HIVEP3: variants seen among roughly 807,000 people sequenced by gnomAD.
HIVEP3 encodes HIVEP zinc finger 3, also known as transcription factor HIVEP3.
A neutral mutation model predicts 152.8 loss-of-function variants in HIVEP3; 49 were observed. That is an observed-to-expected ratio of 0.32 (90% CI 0.26 to 0.41). The LOEUF (loss-of-function observed/expected upper bound fraction) is 0.41, where lower values mean the gene tolerates loss of function less well. HIVEP3 is among the 10% of genes least tolerant of loss of function. HIVEP3 has a pLI of 1.00. For missense variants in HIVEP3, 2,790 were observed against 3,103.3 expected (o/e 0.90, Z 2.40); for synonymous variants, 1,269 against 1,289.0 (o/e 0.98, Z 0.33).
At chr1:41,650,407 G>C (rs1385752867) in intron 2 of HIVEP3, among the ~76,000 whole-genome samples, 2 of 152,206 alleles carry the variant, frequency 1.3e-5, no homozygotes, top group East Asian at 3.8e-4. Context: ...GAAGGAAGAA[G>C]AGGCTAGAAG....
At chr1:41,769,520 G>A (rs548495768) in intron 1 of HIVEP3, among the ~76,000 whole-genome samples, 2 of 152,258 alleles carry the variant, frequency 1.3e-5, no homozygotes, top group South Asian at 4.1e-4. Flanking sequence ...CTGATTCTAA[G>A]GCTAGGGCTC....
intron 1 of HIVEP3, among the ~76,000 whole-genome samples, chr1:41,747,389 G>T (rs1388962292): frequency 6.6e-6 from 1 of 152,216 alleles, no homozygotes; most frequent in Admixed American, 6.5e-5. Context: ...CAATCTGGCA[G>T]CTGCCTACCT....
intron 3 of HIVEP3, among the ~76,000 whole-genome samples, chr1:41,612,328 C>T (rs544112865): frequency 6.6e-6 from 1 of 152,310 alleles, no homozygotes; most frequent in South Asian, 2.1e-4. Flanking sequence ...CCAACAATGC[C>T]GCCTTACGTT....
intron 5 of HIVEP3, among the ~76,000 whole-genome samples, chr1:41,527,224 TCACCCTCACACACTCACCTCACACACACA>T (rs1642994181): frequency 4.9e-5 from 2 of 41,138 alleles, no homozygotes; most frequent in South Asian, 8.4e-4. Flanking sequence ...CCTCACACAC[TCACCCTCACACACTCACCTCACACACACA>T]CACCCTCACA....
At chr1:41,705,581 A>C (rs1646420772) in intron 1 of HIVEP3, among the ~76,000 whole-genome samples, 1 of 152,238 alleles carries the variant, frequency 6.6e-6, no homozygotes, top group South Asian at 2.1e-4. Context: ...CAAAATCCAG[A>C]TGTAAAAGAG....
chr1:41,617,916 G>A (rs1214438174), intron 3 of HIVEP3, among the ~76,000 whole-genome samples: 1 of 152,198 alleles, frequency 6.6e-6, no homozygotes, highest in Non-Finnish European at 1.5e-5. Context: ...AAAGAGCCCT[G>A]GAGGGCAATG....
intron 1 of HIVEP3, among the ~76,000 whole-genome samples, chr1:41,948,440 T>C (rs1645086827): frequency 6.6e-6 from 1 of 152,154 alleles, no homozygotes; most frequent in African/African-American, 2.4e-5. Flanking sequence ...TATTGTCAGC[T>C]GTACAGAAAC....
intron 1 of HIVEP3, among the ~76,000 whole-genome samples, chr1:42,016,140 T>C (rs1011239019): frequency 2.6e-5 from 4 of 152,212 alleles, no homozygotes; most frequent in African/African-American, 9.6e-5. Context: ...AGACTATATT[T>C]GTATATACAC....
chr1:42,030,263 T>C (rs1645605725), intron 1 of HIVEP3, among the ~76,000 whole-genome samples: 3 of 152,212 alleles, frequency 2.0e-5, no homozygotes, highest in Non-Finnish European at 4.4e-5. Flanking sequence ...GATTTTTCTT[T>C]TTAGCTCATC....
intron 5 of HIVEP3, among the ~76,000 whole-genome samples, chr1:41,565,636 A>C (rs1644151108): frequency 6.6e-6 from 1 of 152,070 alleles, no homozygotes; most frequent in Non-Finnish European, 1.5e-5. Context: ...AGACAGAGAG[A>C]AGCCAGCTTC....
intron 3 of HIVEP3, among the ~76,000 whole-genome samples, chr1:41,592,058 G>A (rs6679348): frequency 0.19 from 28,287 of 152,176 alleles, 3,283 homozygotes; most frequent in Non-Finnish European, 0.28. Flanking sequence ...GTGGGACAGT[G>A]AGTAGCACAC....
rs918248811 is a variant in HIVEP3, at chr1:41,755,210, GT to G, written c.-800-54216del. Among the ~76,000 whole-genome samples, 15 of 151,722 alleles carry G rather than the reference GT, an allele frequency of 9.9e-5. No homozygotes were observed. The East Asian group carries it at 1.4e-3, about 14-fold the overall frequency. On this transcript the variant is annotated intron_variant, in intron 1 of 8. Coordinates refer to ENST00000372583, the MANE Select transcript of HIVEP3 (RefSeq NM_024503.5). ...AAAGCAATTCAATGAAGGAAGCATA[GT>G]TTTTTTTTAACAAGCGGTGCTAGAA...
At chr1:41,617,297 A>G (rs1275997331) in intron 3 of HIVEP3, among the ~76,000 whole-genome samples, 1 of 152,200 alleles carries the variant, frequency 6.6e-6, no homozygotes, top group East Asian at 1.9e-4. Context: ...ACATGGATCA[A>G]TGTGTGTGTT....
intron 1 of HIVEP3, among the ~76,000 whole-genome samples, chr1:41,892,341 T>C (rs1039522641): frequency 1.3e-5 from 2 of 152,198 alleles, no homozygotes; most frequent in African/African-American, 2.4e-5. Flanking sequence ...ACTGAGCGGC[T>C]GGTCAATATA....
At chr1:41,762,525 G>A (rs1418757369) in intron 1 of HIVEP3, among the ~76,000 whole-genome samples, 1 of 152,180 alleles carries the variant, frequency 6.6e-6, no homozygotes, top group Non-Finnish European at 1.5e-5. Flanking sequence ...GGGCTTCAGG[G>A]TTGTGGGCAT....
At chr1:41,824,784 T>G (rs12066295) in intron 1 of HIVEP3, among the ~76,000 whole-genome samples, 1,492 of 9,806 alleles carry the variant, frequency 0.15, 13 homozygotes, top group Admixed American at 0.18. Flanking sequence ...TATATATATA[T>G]AGAGAGAGAG....
At chr1:41,653,857 G>A (rs1038375180) in intron 2 of HIVEP3, among the ~76,000 whole-genome samples, 3 of 146,754 alleles carry the variant, frequency 2.0e-5, no homozygotes, top group African/African-American at 7.6e-5. Flanking sequence ...TTCTGTGAAT[G>A]GAGAATGAGG....
At chr1:41,921,510 C>G (rs144259681), upstream of HIVEP3, among the ~76,000 whole-genome samples, 398 of 152,298 alleles carry the variant, frequency 2.6e-3, 1 homozygote, top group African/African-American at 9.1e-3. Context: ...TCACCTCTGC[C>G]ATGATTGTGT....
At chr1:41,704,188 T>C (rs1646402066) in intron 1 of HIVEP3, among the ~76,000 whole-genome samples, 1 of 152,212 alleles carries the variant, frequency 6.6e-6, no homozygotes, top group Non-Finnish European at 1.5e-5. Context: ...CAACAGCAGC[T>C]CATCCTATGG....
Sources: allele counts gnomAD v4.1 joint callset (sites outside exome capture counted in the v4.1 genomes callset), GRCh38; gene constraint gnomAD v4.1.1; transcripts MANE v1.5; gene names NCBI Gene and HGNC (gene_info 2026-07-23, HGNC 2026-07-21).